The following RCAN2 variants were observed in gnomAD, a reference collection of about 807,000 sequenced individuals.
RCAN2 encodes the protein regulator of calcineurin 2, also known as calcipressin-2.
RCAN2 carries 9 observed loss-of-function variants against 23.6 expected under a neutral mutation model. The observed-to-expected ratio is 0.38, with a 90% CI of 0.23 to 0.67. The LOEUF (loss-of-function observed/expected upper bound fraction) is 0.67, where lower values mean the gene tolerates loss of function less well. Among genes scored for constraint, RCAN2 ranks in the 30% least tolerant of loss-of-function variants. The probability of loss-of-function intolerance (pLI) is 0.51; values close to 1 mark genes in which losing one functional copy is unlikely to be tolerated. For synonymous variants in RCAN2, 109 were observed against 115.7 expected (o/e 0.94, Z 0.37); for missense variants, 273 against 302.3 (o/e 0.90, Z 0.72).
intron 4 of RCAN2, among the ~76,000 whole-genome samples, chr6:46,233,941 C>T (rs1182830610): frequency 3.3e-5 from 5 of 152,130 alleles, no homozygotes; most frequent in Non-Finnish European, 7.3e-5. Flanking sequence ...ATTGGCCAGA[C>T]TGGTCTTGAA....
At chr6:46,361,505 G>C (rs1326143925) in intron 2 of RCAN2, among the ~76,000 whole-genome samples, 1 of 152,196 alleles carries the variant, frequency 6.6e-6, no homozygotes, top group South Asian at 2.1e-4. Context: ...TTAAAAGTAT[G>C]TTGATGCTGC....
intron 1 of RCAN2, among the ~76,000 whole-genome samples, chr6:46,480,498 C>T (rs2150446758): frequency 6.6e-6 from 1 of 152,336 alleles, no homozygotes; most frequent in East Asian, 1.9e-4. Context: ...ATAAAAAATT[C>T]AGACACTGCT....
At chr6:46,487,205 T>C (rs865779272) in intron 1 of RCAN2, among the ~76,000 whole-genome samples, 9 of 152,218 alleles carry the variant, frequency 5.9e-5, no homozygotes, top group African/African-American at 2.2e-4. Flanking sequence ...TTGGCCTCCT[T>C]ATAAGCTGGC....
chr6:46,405,206 C>T (rs9395187), intron 2 of RCAN2, among the ~76,000 whole-genome samples: 32 of 152,176 alleles, frequency 2.1e-4, no homozygotes, highest in Middle Eastern at 3.4e-3. Flanking sequence ...TTTGTGGTCT[C>T]GCTGGGCACA....
At chr6:46,256,256 A>G (rs1401551121) in intron 2 of RCAN2, among the ~76,000 whole-genome samples, 1 of 151,990 alleles carries the variant, frequency 6.6e-6, no homozygotes, top group African/African-American at 2.4e-5. Context: ...TGCAATCCCT[A>G]CTACTTGGGA....
At chr6:46,380,902 A>G (rs1159952699) in intron 2 of RCAN2, among the ~76,000 whole-genome samples, 1 of 152,252 alleles carries the variant, frequency 6.6e-6, no homozygotes, top group Admixed American at 6.5e-5. Flanking sequence ...CCATTGTTAA[A>G]TGGAACAAAA....
intron 2 of RCAN2, among the ~76,000 whole-genome samples, chr6:46,306,507 G>A (rs774695957): frequency 6.6e-6 from 1 of 152,174 alleles, no homozygotes; most frequent in Non-Finnish European, 1.5e-5. Context: ...ATGGTAAGGA[G>A]AGATGAGGAG....
chr6:46,453,068 T>C (rs1467226920), intron 2 of RCAN2, among the ~76,000 whole-genome samples: 1 of 152,170 alleles, frequency 6.6e-6, no homozygotes, highest in African/African-American at 2.4e-5. Flanking sequence ...CCCTTATGTG[T>C]CTTTAGCATA....
At chr6:46,400,601 A>G (rs192675010) in intron 2 of RCAN2, among the ~76,000 whole-genome samples, 2 of 152,322 alleles carry the variant, frequency 1.3e-5, no homozygotes, top group Admixed American at 6.5e-5. Context: ...CCACAATGTG[A>G]TCAGTGATTT....
chr6:46,254,294 G>T (rs1766832541), intron 2 of RCAN2, among the ~76,000 whole-genome samples: 1 of 152,190 alleles, frequency 6.6e-6, no homozygotes, highest in Non-Finnish European at 1.5e-5. Flanking sequence ...TAAGGATCCA[G>T]TTGGCTTGGG....
intron 2 of RCAN2, among the ~76,000 whole-genome samples, chr6:46,419,426 C>A (rs1052500298): frequency 1.3e-5 from 2 of 152,080 alleles, no homozygotes; most frequent in Non-Finnish European, 2.9e-5. Flanking sequence ...CACAGAGTAC[C>A]GGAGTTTGGA....
intron 2 of RCAN2, among the ~76,000 whole-genome samples, chr6:46,281,957 T>C (rs928484888): frequency 6.6e-6 from 1 of 152,118 alleles, no homozygotes; most frequent in African/African-American, 2.4e-5. Flanking sequence ...TGCCTCCCAT[T>C]ATCATCATTA....
At chr6:46,416,701 T>C (rs1234191770) in intron 2 of RCAN2, among the ~76,000 whole-genome samples, 1 of 151,970 alleles carries the variant, frequency 6.6e-6, no homozygotes, top group Non-Finnish European at 1.5e-5. Context: ...TTTTTATTTT[T>C]TGTAGAGATG....
At chr6:46,260,361 C>A (rs1767069329) in intron 2 of RCAN2, among the ~76,000 whole-genome samples, 1 of 152,078 alleles carries the variant, frequency 6.6e-6, no homozygotes, top group Admixed American at 6.6e-5. Flanking sequence ...CAGAACGAGC[C>A]AAGAGACTTG....
intron 2 of RCAN2, among the ~76,000 whole-genome samples, chr6:46,383,748 A>T (rs1466603940): frequency 2.0e-5 from 3 of 152,222 alleles, no homozygotes. Context: ...CCGGATGGCA[A>T]AGATATAGAA....
At chr6:46,346,167 TA>T (rs1035026511) in intron 2 of RCAN2, among the ~76,000 whole-genome samples, 1 of 152,140 alleles carries the variant, frequency 6.6e-6, no homozygotes, top group African/African-American at 2.4e-5. Context: ...AAGGAAATTT[TA>T]AAAATATTTT....
chr6:46,329,882 G>GAGCTGATACACTCACCTCCATCTC (rs1763909042), intron 2 of RCAN2, among the ~76,000 whole-genome samples: 1 of 152,160 alleles, frequency 6.6e-6, no homozygotes, highest in Non-Finnish European at 1.5e-5. Flanking sequence ...ATGGACAGCT[G>GAGCTGATACACTCACCTCCATCTC]AGCTGATACA....
At chr6:46,266,016 TAACA>T (rs1767315364) in intron 2 of RCAN2, among the ~76,000 whole-genome samples, 1 of 152,200 alleles carries the variant, frequency 6.6e-6, no homozygotes, top group Non-Finnish European at 1.5e-5. Flanking sequence ...AACTTATGGA[TAACA>T]GATCAGCGGT....
intron 2 of RCAN2, among the ~76,000 whole-genome samples, chr6:46,263,861 C>A (rs1045726080): frequency 6.6e-6 from 1 of 151,978 alleles, no homozygotes; most frequent in African/African-American, 2.4e-5. Flanking sequence ...CCCACAGAAT[C>A]ACAGGAAACA....
Sources: gnomAD v4.1 joint callset for allele counts (sites outside exome capture counted in the v4.1 genomes callset) on GRCh38, gnomAD v4.1.1 for gene constraint, MANE v1.5 for transcripts, NCBI Gene and HGNC (gene_info 2026-07-23, HGNC 2026-07-21) for gene names.